Variants in FRMD5 observed in about 807,000 individuals in gnomAD.
FRMD5 encodes FERM domain containing 5, also known as FERM domain-containing protein 5.
Under a neutral mutation model 69.0 loss-of-function variants are expected in FRMD5, and 20 were observed. The ratio of observed to expected loss-of-function variants is 0.29; its 90% confidence interval spans 0.20 to 0.42. FRMD5 has a LOEUF of 0.42. Ranked by LOEUF, FRMD5 falls within the 10% of genes least tolerant of loss-of-function variation. The pLI is 1.00. For missense variants in FRMD5, 595 were observed against 708.6 expected (o/e 0.84, Z 1.82); for synonymous variants, 271 against 260.1 (o/e 1.04, Z -0.40).
intron 1 of FRMD5, among the ~76,000 whole-genome samples, chr15:44,146,144 C>T (rs2077351819): frequency 6.6e-6 from 1 of 152,104 alleles, no homozygotes; most frequent in African/African-American, 2.4e-5. Context: ...TATCCTGATG[C>T]TCTCCCTTCC....
chr15:43,950,167 G>T (rs2090005242), intron 1 of FRMD5, among the ~76,000 whole-genome samples: 1 of 152,184 alleles, frequency 6.6e-6, no homozygotes, highest in African/African-American at 2.4e-5. Flanking sequence ...TGGTGGAATG[G>T]TGCAGCCTCT....
intron 1 of FRMD5, among the ~76,000 whole-genome samples, chr15:44,152,664 T>C (rs1401719856): frequency 2.6e-5 from 4 of 152,220 alleles, no homozygotes; most frequent in Non-Finnish European, 5.9e-5. Flanking sequence ...GGTGGATGTC[T>C]ACTGATATTG....
At chr15:44,059,808 C>T (rs1366144921) in intron 1 of FRMD5, among the ~76,000 whole-genome samples, 1 of 152,152 alleles carries the variant, frequency 6.6e-6, no homozygotes, top group Non-Finnish European at 1.5e-5. Context: ...AGCCACTGCA[C>T]CCAGCTAGGG....
At chr15:44,096,557 C>A (rs2140505583) in intron 1 of FRMD5, among the ~76,000 whole-genome samples, 1 of 152,032 alleles carries the variant, frequency 6.6e-6, no homozygotes, top group Non-Finnish European at 1.5e-5. Context: ...CATGAGCCAC[C>A]ACACTCAGCT....
At chr15:44,120,536 T>C (rs2733202) in intron 1 of FRMD5, among the ~76,000 whole-genome samples, 16 of 14,506 alleles carry the variant, frequency 1.1e-3, no homozygotes, top group Non-Finnish European at 4.0e-3. Context: ...AGAGTGGATT[T>C]TTTTTTTTTT....
At chr15:44,163,040 G>A (rs1030738600) in intron 1 of FRMD5, among the ~76,000 whole-genome samples, 9 of 152,096 alleles carry the variant, frequency 5.9e-5, no homozygotes, top group African/African-American at 7.2e-5. Context: ...CAGGCGTGGT[G>A]GCGGGCGCCT....
rs537964204 is a variant in FRMD5 at position 44,130,100 on chromosome 15, C to T, written c.102+64853G>A. 5.3e-5 allele frequency among the ~76,000 whole-genome samples: 8 copies of T among 152,292 alleles called. No homozygotes were observed. In the East Asian group the frequency reaches 1.4e-3, roughly 26 times the overall value. ...GTGATTCCTGTGGTCAATGGCGCTCCCTCCAGGTGGGCTGCACTAATACTA... is the reference window on the plus strand; with the variant it reads ...GTGATTCCTGTGGTCAATGGCGCTCTCTCCAGGTGGGCTGCACTAATACTA... On this transcript the variant is annotated intron_variant, in intron 1 of 13. Transcript: ENST00000417257.
intron 1 of FRMD5, among the ~76,000 whole-genome samples, chr15:44,077,833 T>C (rs1462212778): frequency 1.3e-5 from 2 of 152,108 alleles, no homozygotes; most frequent in Non-Finnish European, 2.9e-5. Context: ...AAAGTAACTG[T>C]GCTAGATTAC....
chr15:44,162,327 C>CCTAA (rs1253285984), intron 1 of FRMD5, among the ~76,000 whole-genome samples: 1 of 150,874 alleles, frequency 6.6e-6, no homozygotes, highest in African/African-American at 2.4e-5. Flanking sequence ...GTCTCAAACT[C>CCTAA]CTAAGCTCAA....
At chr15:44,173,803 C>T (rs1300369023) in intron 1 of FRMD5, among the ~76,000 whole-genome samples, 2 of 152,052 alleles carry the variant, frequency 1.3e-5, no homozygotes, top group Non-Finnish European at 2.9e-5. Context: ...CATGAGCTGC[C>T]GCATATGGCT....
At chr15:43,986,614 T>C (rs1473262919) in intron 1 of FRMD5, among the ~76,000 whole-genome samples, 1 of 152,136 alleles carries the variant, frequency 6.6e-6, no homozygotes, top group Non-Finnish European at 1.5e-5. Context: ...CATCCAAACT[T>C]AGAAGGGAGT....
At chr15:44,081,860 G>A (rs1214603741) in intron 1 of FRMD5, among the ~76,000 whole-genome samples, 1 of 151,906 alleles carries the variant, frequency 6.6e-6, no homozygotes, top group Non-Finnish European at 1.5e-5. Context: ...GGTCAGCTGT[G>A]CCACAATCTG....
Position 43,875,995 on chromosome 15 carries a change from A to T in FRMD5, c.1136-1533T>A, listed in dbSNP as rs184424372. 1,604 of 1,379,462 alleles carry T rather than the reference A, an allele frequency of 1.2e-3. 1 individual carries two copies. The highest frequency in any genetic ancestry group is 1.4e-3 in the Non-Finnish European group (1,376 of 966,972). The allele number at this position is 1,379,462 out of a possible 1,614,324, so 85.5% of individuals were successfully genotyped here. On this transcript the variant is annotated intron_variant, in intron 13 of 13. Transcript: ENST00000417257. ...CCCACCATGGACCCTCTGGTCATCCAACCCAAGACGCCCCCTTGCCTGGCT... is the reference window on the plus strand; with the variant it reads ...CCCACCATGGACCCTCTGGTCATCCTACCCAAGACGCCCCCTTGCCTGGCT...
At chr15:44,187,799 C>A (rs2078127365) in intron 1 of FRMD5, among the ~76,000 whole-genome samples, 1 of 152,136 alleles carries the variant, frequency 6.6e-6, no homozygotes, top group South Asian at 2.1e-4. Context: ...AAACTCCTGG[C>A]CTCGAGGGAT....
intron 1 of FRMD5, among the ~76,000 whole-genome samples, chr15:44,097,905 A>G (rs546871513): frequency 1.3e-5 from 2 of 152,298 alleles, no homozygotes; most frequent in African/African-American, 4.8e-5. Context: ...CAAACTCAGC[A>G]AGTCTTTGTG....
chr15:44,055,192 C>T lies in FRMD5; in HGVS notation c.103-130883G>A, dbSNP rs72716073. Among the ~76,000 whole-genome samples, 817 of 152,042 alleles carry T rather than the reference C, an allele frequency of 5.4e-3. 1 individual carries two copies. Among genetic ancestry groups the T allele is most frequent in the Non-Finnish European group, 7.8e-3 (528 of 67,996 alleles). On this transcript the variant is annotated intron_variant, in intron 1 of 13. Transcript: ENST00000417257. ...CTGCTTCTCTCACAAAGCTTTGTGA[C>T]CAGGAGCTAGGGTGGGTAGCTGGGG... is the stretch of plus-strand genomic sequence containing the variant.
intron 1 of FRMD5, among the ~76,000 whole-genome samples, chr15:44,172,043 C>G (rs2077813546): frequency 6.6e-6 from 1 of 151,546 alleles, no homozygotes; most frequent in African/African-American, 2.4e-5. Context: ...GGATTACAGG[C>G]ATGAGCCACC....
At chr15:43,956,839 T>A (rs775864900) in intron 1 of FRMD5, among the ~76,000 whole-genome samples, 2 of 152,246 alleles carry the variant, frequency 1.3e-5, no homozygotes, top group African/African-American at 4.8e-5. Context: ...TAGCTGGCCA[T>A]TGGTTAGACA....
At chr15:44,063,310 T>C (rs992542317) in intron 1 of FRMD5, among the ~76,000 whole-genome samples, 7 of 152,250 alleles carry the variant, frequency 4.6e-5, no homozygotes, top group Non-Finnish European at 7.3e-5. Flanking sequence ...TGTTTATGTC[T>C]CTCAAGAAAT....
Sources: gnomAD v4.1 joint callset for allele counts (sites outside exome capture counted in the v4.1 genomes callset) on GRCh38, gnomAD v4.1.1 for gene constraint, MANE v1.5 for transcripts, NCBI Gene and HGNC (gene_info 2026-07-23, HGNC 2026-07-21) for gene names.